TOX: variants seen among roughly 807,000 people sequenced by gnomAD.
TOX encodes the protein thymocyte selection associated high mobility group box.
A neutral mutation model predicts 53.7 loss-of-function variants in TOX; 11 were observed. The observed-to-expected ratio is 0.20, with a 90% CI of 0.13 to 0.34. The LOEUF (loss-of-function observed/expected upper bound fraction) is 0.34, where lower values mean the gene tolerates loss of function less well. Among genes scored for constraint, TOX ranks in the 10% least tolerant of loss-of-function variants. The probability of loss-of-function intolerance (pLI) is 1.00; values close to 1 mark genes in which losing one functional copy is unlikely to be tolerated. For missense variants in TOX, 570 were observed against 664.6 expected (o/e 0.86, Z 1.56); for synonymous variants, 225 against 245.3 (o/e 0.92, Z 0.77).
intron 1 of TOX, among the ~76,000 whole-genome samples, chr8:58,992,390 C>A (rs182404983): frequency 1.3e-5 from 2 of 151,770 alleles, no homozygotes; most frequent in Admixed American, 6.6e-5. Flanking sequence ...TTTTTTTTTC[C>A]TTATATAGGC....
At chr8:58,929,017 T>G (rs998177458) in intron 3 of TOX, among the ~76,000 whole-genome samples, 6 of 152,178 alleles carry the variant, frequency 3.9e-5, no homozygotes, top group Admixed American at 1.3e-4. Flanking sequence ...ATAATGCTTT[T>G]CAAATGTAAC....
chr8:59,109,847 G>A (rs1804980134), intron 1 of TOX, among the ~76,000 whole-genome samples: 1 of 152,158 alleles, frequency 6.6e-6, no homozygotes, highest in Admixed American at 6.6e-5. Context: ...AAGGCAGATT[G>A]TGTCACAGAA....
intron 5 of TOX, among the ~76,000 whole-genome samples, chr8:58,827,309 G>A (rs544451989): frequency 6.6e-6 from 1 of 152,176 alleles, no homozygotes; most frequent in Non-Finnish European, 1.5e-5. Flanking sequence ...TATGTTCCAC[G>A]CTAAATACAA....
Position 58,815,583 on chromosome 8 carries a change from G to A in TOX, c.1147C>T (p.Pro383Ser). The A allele has an allele frequency of 6.2e-7, 1 of 1,614,154 alleles. No individual in the cohort carries two copies. Among genetic ancestry groups the A allele is most frequent in the South Asian group, 1.1e-5 (1 of 91,072 alleles). The change falls in exon 7 of 9, where the codon CCT becomes TCT. Residue 383 changes from proline (P) to serine (S), a missense_variant. Pro to Ser is a moderately conservative substitution (Grantham distance 74, BLOSUM62 -1). This residue lies in a region of TOX where 239 missense variants were observed against 250.7 expected (regional missense o/e 0.95). Coordinates refer to ENST00000361421, the MANE Select transcript of TOX (RefSeq NM_014729.3). The stretch of plus-strand genomic sequence containing the variant: ...CTAGGATGCATGGCAGTTAGGTGAG[G>A]ATTCATTCCCGGTTGTTGGTGATAG... ...SHYHQQPGMN[P>S]HLTAMHPSLP...
At position 58,918,752 on chromosome 8, in the gene TOX, A is replaced by G. The variant is rs1355437279; in HGVS notation, c.411+20550T>C. Among the ~76,000 whole-genome samples, 40 of 78,390 alleles carry G rather than the reference A, an allele frequency of 5.1e-4. 1 individual carries two copies. The highest frequency in any genetic ancestry group is 1.9e-4 in the Non-Finnish European group (8 of 41,706). 51.4% of individuals were successfully genotyped at this position (78,390 alleles called of 152,430 possible). ...ATAAAGGGTATTCAATTAGGAAAAG[A>G]GGAAGTCAAATTGTCCCTGTTTGCA... On this transcript the variant is annotated intron_variant, in intron 3 of 8. Transcript: ENST00000361421.
intron 2 of TOX, among the ~76,000 whole-genome samples, chr8:58,948,418 A>T (rs1302433570): frequency 2.6e-5 from 4 of 152,192 alleles, no homozygotes; most frequent in Non-Finnish European, 4.4e-5. Flanking sequence ...GTCTCCAAGC[A>T]GTATTTTTAG....
chr8:58,971,193 G>A (rs1310192162), intron 1 of TOX, among the ~76,000 whole-genome samples: 1 of 152,224 alleles, frequency 6.6e-6, no homozygotes, highest in South Asian at 2.1e-4. Context: ...GCAAACTGCG[G>A]GTGGGCACTG....
intron 3 of TOX, among the ~76,000 whole-genome samples, chr8:58,880,004 G>C (rs1337746474): frequency 6.6e-6 from 1 of 152,012 alleles, no homozygotes. Flanking sequence ...TTTTAAAATG[G>C]TCATATCTAT....
At chr8:58,969,820 C>T (rs1812970929) in intron 1 of TOX, among the ~76,000 whole-genome samples, 1 of 152,180 alleles carries the variant, frequency 6.6e-6, no homozygotes. Flanking sequence ...AAAGCCAAAA[C>T]TGGAAGACTT....
At chr8:58,894,721 C>A in intron 3 of TOX, among the ~76,000 whole-genome samples, 2 of 151,620 alleles carry the variant, frequency 1.3e-5, no homozygotes, top group East Asian at 3.9e-4. Context: ...TGGTAAAACC[C>A]CATCTCTACT....
intron 3 of TOX, among the ~76,000 whole-genome samples, chr8:58,896,462 G>A (rs986643077): frequency 3.3e-5 from 5 of 152,108 alleles, no homozygotes; most frequent in Non-Finnish European, 1.5e-5. Flanking sequence ...CAGATCATGA[G>A]GTCAGGAGAC....
intron 3 of TOX, among the ~76,000 whole-genome samples, chr8:58,890,986 T>C (rs1276169169): frequency 1.3e-5 from 2 of 152,098 alleles, no homozygotes. Flanking sequence ...GGTATGTTCA[T>C]TACTTAAGCA....
chr8:58,892,907 A>G (rs1258674410), intron 3 of TOX, among the ~76,000 whole-genome samples: 1 of 152,232 alleles, frequency 6.6e-6, no homozygotes, highest in African/African-American at 2.4e-5. Flanking sequence ...TACATATTAA[A>G]ATAACAAAGA....
At chr8:58,827,143 T>C (rs1260801696) in intron 5 of TOX, among the ~76,000 whole-genome samples, 1 of 152,024 alleles carries the variant, frequency 6.6e-6, no homozygotes, top group Non-Finnish European at 1.5e-5. Flanking sequence ...ATAAAACATA[T>C]GAAAGGTTTT....
rs559610628 is a variant in TOX, at chr8:59,088,726, C to T, written c.102+30160G>A. On this transcript the variant is annotated intron_variant, in intron 1 of 8. Transcript: ENST00000361421. ...ATTAACACGAACAAAGGATCATTCC[C>T]ATATTTGGCAAATGAGGTAGCTGTG... Among the ~76,000 whole-genome samples the T allele has an allele frequency of 3.9e-5, 6 of 152,274 alleles. No individual in the cohort carries two copies. The East Asian group carries it at 1.2e-3, about 29-fold the overall frequency.
At chr8:58,868,399 G>A (rs1405683160) in intron 3 of TOX, among the ~76,000 whole-genome samples, 5 of 152,072 alleles carry the variant, frequency 3.3e-5, no homozygotes, top group African/African-American at 9.7e-5. Flanking sequence ...TTTTCTGCAC[G>A]GTGGACTAAT....
intron 3 of TOX, among the ~76,000 whole-genome samples, chr8:58,924,038 G>C (rs185314211): frequency 6.6e-6 from 1 of 152,284 alleles, no homozygotes; most frequent in Non-Finnish European, 1.5e-5. Flanking sequence ...TCTAAGGTAA[G>C]AATCTTCTGA....
intron 3 of TOX, among the ~76,000 whole-genome samples, chr8:58,906,256 G>T (rs1038885255): frequency 2.3e-4 from 35 of 152,228 alleles, no homozygotes; most frequent in African/African-American, 7.5e-4. Flanking sequence ...CAGTATCTTA[G>T]TTGTGCAAGA....
chr8:58,835,378 C>T (rs1354900905), intron 5 of TOX, among the ~76,000 whole-genome samples: 1 of 152,186 alleles, frequency 6.6e-6, no homozygotes, highest in Non-Finnish European at 1.5e-5. Flanking sequence ...AGCCTCGATT[C>T]TGAATGCCAG....
Sources: gnomAD v4.1 joint callset for allele counts (sites outside exome capture counted in the v4.1 genomes callset) on GRCh38, gnomAD v4.1.1 for gene constraint, gnomAD v4.1.1 regional missense constraint, MANE v1.5 for transcripts, NCBI Gene and HGNC (gene_info 2026-07-23, HGNC 2026-07-21) for gene names.